The following EPB41L1 variants were observed in gnomAD, a reference collection of about 807,000 sequenced individuals.
EPB41L1 encodes the protein erythrocyte membrane protein band 4.1 like 1.
In EPB41L1, 29 loss-of-function variants were observed where a neutral mutation model predicts 97.8. That is an observed-to-expected ratio of 0.30 (90% confidence interval 0.22 to 0.40). The LOEUF (loss-of-function observed/expected upper bound fraction) is 0.40, where lower values mean the gene tolerates loss of function less well. EPB41L1 is among the 10% of genes least tolerant of loss of function. The pLI, the probability that EPB41L1 is intolerant of heterozygous loss-of-function variation, is 1.00. For missense variants in EPB41L1, 812 were observed against 1,162.3 expected, an observed-to-expected ratio of 0.70 and a Z score of 4.38; for synonymous variants, 383 against 459.2, an observed-to-expected ratio of 0.83 and a Z score of 2.12.
At chr20:36,219,124 G>A (rs2063621320) in intron 18 of EPB41L1, among the ~76,000 whole-genome samples, 162 bp downstream of exon 18, 1 of 152,220 alleles carries the variant, frequency 6.6e-6, no homozygotes, top group African/African-American at 2.4e-5. Flanking sequence ...AGGGCTCCCT[G>A]GTGCCTGCTA....
chr20:36,217,479 G>A (rs904995554), intron 17 of EPB41L1, among the ~76,000 whole-genome samples: 2 of 152,178 alleles, frequency 1.3e-5, no homozygotes, highest in African/African-American at 4.8e-5. Context: ...GAAGGGAGGA[G>A]CAGAGGGTGC....
At chr20:36,225,009 A>G (rs772793042) in intron 21 of EPB41L1, among the ~76,000 whole-genome samples, 1 of 152,138 alleles carries the variant, frequency 6.6e-6, no homozygotes, top group Non-Finnish European at 1.5e-5. Context: ...TTTAGTAGAG[A>G]CGGGGTTTCA....
chr20:36,115,550 A>C (rs1297488328), intron 2 of EPB41L1, among the ~76,000 whole-genome samples: 1 of 152,208 alleles, frequency 6.6e-6, no homozygotes, highest in African/African-American at 2.4e-5. Context: ...CATTACTTAC[A>C]TTGTGCCAGG....
chr20:36,154,607 C>T (rs1449902759), upstream of EPB41L1: 2 of 848,422 alleles, frequency 2.4e-6, no homozygotes, highest in Non-Finnish European at 2.8e-6. This position sits in a 1 kb window ranked among gnomAD's most constrained non-coding sequence, Gnocchi z 5.5. Context: ...AAGCGGCGGC[C>T]GCCCCTGGGC....
chr20:36,229,284 T>TGGGGGGGGGGG, intron 21 of EPB41L1, 48 bp from the exon 22 acceptor site: 1 of 1,440,984 alleles, frequency 6.9e-7, no homozygotes, highest in Non-Finnish European at 9.7e-7. Flanking sequence ...TTCCTTCCTT[T>TGGGGGGGGGGG]CCCCCCACTC....
At chr20:36,123,472 G>A (rs775685307) in intron 2 of EPB41L1, among the ~76,000 whole-genome samples, 8 of 152,100 alleles carry the variant, frequency 5.3e-5, no homozygotes, top group Non-Finnish European at 1.2e-4. Flanking sequence ...ACAGAATCTC[G>A]CTCTGTTGCC....
At chr20:36,123,989 C>T (rs2058855937) in intron 2 of EPB41L1, among the ~76,000 whole-genome samples, 3 of 152,164 alleles carry the variant, frequency 2.0e-5, no homozygotes, top group African/African-American at 7.2e-5. Flanking sequence ...TGGCCCACAC[C>T]TGTAATCCCA....
At chr20:36,134,638 A>G (rs2059346312) in intron 2 of EPB41L1, among the ~76,000 whole-genome samples, 1 of 152,136 alleles carries the variant, frequency 6.6e-6, no homozygotes, top group Admixed American at 6.5e-5. Context: ...AGTTGAGAAT[A>G]AAGAGTGGAG....
intron 7 of EPB41L1, among the ~76,000 whole-genome samples, chr20:36,186,565 G>A (rs2061690262): frequency 6.6e-6 from 1 of 152,146 alleles, no homozygotes; most frequent in African/African-American, 2.4e-5. Context: ...AGCGACTGCT[G>A]TGGTGTTGTG....
At chr20:36,141,402 A>T (rs1475133922) in intron 2 of EPB41L1, among the ~76,000 whole-genome samples, 1 of 152,038 alleles carries the variant, frequency 6.6e-6, no homozygotes, top group Non-Finnish European at 1.5e-5. Context: ...TCTATGCATG[A>T]ATAGGGAGCC....
upstream of EPB41L1, chr20:36,152,581 G>A (rs893375525): frequency 5.1e-5 from 10 of 195,838 alleles, no homozygotes; most frequent in African/African-American, 2.1e-4. Context: ...CAGCCAGCAG[G>A]GGAGACTGAG....
At chr20:36,191,916 A>G (rs892917657) in intron 11 of EPB41L1, among the ~76,000 whole-genome samples, 2 of 152,334 alleles carry the variant, frequency 1.3e-5, no homozygotes, top group Non-Finnish European at 2.9e-5. Flanking sequence ...TTAGGTTTGT[A>G]GAGAGTGGCT....
chr20:36,111,742 G>A lies in EPB41L1; in HGVS notation c.-64-684G>A, dbSNP rs569445448. On this transcript the variant is annotated intron_variant, in intron 1 of 19. Coordinates refer to the EPB41L1 transcript ENST00000202028. Reference sequence around the variant, plus strand: ...GCGGAGGTTGCAGTGAGCAGAGATCGCACCATTGCACTCCAGCCTGGGCGA... The same window carrying A: ...GCGGAGGTTGCAGTGAGCAGAGATCACACCATTGCACTCCAGCCTGGGCGA... Among the ~76,000 whole-genome samples, 11 of 142,384 alleles carry A rather than the reference G, an allele frequency of 7.7e-5. 1 individual carries two copies. The South Asian group carries it at 2.0e-3, about 25-fold the overall frequency. The allele number at this position is 142,384 out of a possible 152,430, so 93.4% of individuals were successfully genotyped here.
chr20:36,107,559 G>C (rs2058236424), intron 1 of EPB41L1, among the ~76,000 whole-genome samples: 2 of 150,714 alleles, frequency 1.3e-5, no homozygotes, highest in South Asian at 4.2e-4. Flanking sequence ...GCTGGGCATG[G>C]TGCCTCATGC....
At chr20:36,181,631 T>C (rs1432281148) in intron 5 of EPB41L1, among the ~76,000 whole-genome samples, 1 of 152,194 alleles carries the variant, frequency 6.6e-6, no homozygotes, top group African/African-American at 2.4e-5. Context: ...CTGAGAAACA[T>C]TAATCTTTCA....
chr20:36,116,823 T>G (rs2058599396), intron 2 of EPB41L1, among the ~76,000 whole-genome samples: 1 of 152,172 alleles, frequency 6.6e-6, no homozygotes, highest in Non-Finnish European at 1.5e-5. Context: ...AAAGTGCCTT[T>G]GGATTTTTCT....
intron 14 of EPB41L1, among the ~76,000 whole-genome samples, chr20:36,208,973 A>C (rs144867987): frequency 6.6e-6 from 1 of 152,244 alleles, no homozygotes; most frequent in East Asian, 1.9e-4. Flanking sequence ...CCGGAGACTC[A>C]GTGGAATTGA....
chr20:36,146,792 G>C (rs1262056316), intron 2 of EPB41L1, among the ~76,000 whole-genome samples: 3 of 151,954 alleles, frequency 2.0e-5, no homozygotes, highest in South Asian at 2.1e-4. Flanking sequence ...GTCTGGCTTG[G>C]GGGGTTATGA....
intron 2 of EPB41L1, among the ~76,000 whole-genome samples, chr20:36,112,732 T>C (rs942649941): frequency 1.3e-5 from 2 of 152,194 alleles, no homozygotes; most frequent in African/African-American, 4.8e-5. Context: ...AGGCTTTGCC[T>C]CTATTGCTCA....
Sources: allele counts gnomAD v4.1 joint callset (sites outside exome capture counted in the v4.1 genomes callset), GRCh38; gene constraint gnomAD v4.1.1; non-coding constraint Gnocchi (gnomAD v3.1); transcripts MANE v1.5; gene names NCBI Gene and HGNC (gene_info 2026-07-23, HGNC 2026-07-21).